PLEKHH2: variants seen among roughly 807,000 people sequenced by gnomAD.
PLEKHH2 encodes the protein pleckstrin homology domain-containing family H member 2.
A neutral mutation model predicts 187.9 loss-of-function variants in PLEKHH2; 129 were observed. That is an observed-to-expected ratio of 0.69 (90% CI 0.59 to 0.79). PLEKHH2 has a LOEUF of 0.79. Ranked by LOEUF, PLEKHH2 falls within the 30% of genes least tolerant of loss-of-function variation. PLEKHH2 has a pLI of 0.00. For missense variants in PLEKHH2, 2,076 were observed against 1,751.2 expected, an observed-to-expected ratio of 1.19 and a Z score of -3.31; for synonymous variants, 686 against 605.6, an observed-to-expected ratio of 1.13 and a Z score of -1.95.
At chr2:43,748,875 G>A (rs941099039) in intron 24 of PLEKHH2, among the ~76,000 whole-genome samples, 1 of 151,990 alleles carries the variant, frequency 6.6e-6, no homozygotes, top group African/African-American at 2.4e-5. Flanking sequence ...TCCTGCTTCA[G>A]CCTCCCAGAT....
In PLEKHH2 at chr2:43,765,681, G is replaced by A. The variant is rs1672596964; in HGVS notation, c.*83G>A. On this transcript the variant is annotated 3_prime_UTR_variant, in exon 30 of 30. Coordinates refer to ENST00000282406, the MANE Select transcript of PLEKHH2 (RefSeq NM_172069.4). ...CCTACAAGTTCGTTTACACCTGGCAGCACGGCAGCCACACACCGGTATTCC... is the reference window on the plus strand; with the variant it reads ...CCTACAAGTTCGTTTACACCTGGCAACACGGCAGCCACACACCGGTATTCC... The A allele has an allele frequency of 4.4e-6, 6 of 1,359,290 alleles. No homozygotes were observed. The highest frequency in any genetic ancestry group is 2.5e-4 in the Middle Eastern group (1 of 3,962). The allele number at this position is 1,359,290 out of a possible 1,614,324, so 84.2% of individuals were successfully genotyped here.
chr2:43,734,826 A>G (rs762307615), intron 19 of PLEKHH2, among the ~76,000 whole-genome samples: 1 of 152,180 alleles, frequency 6.6e-6, no homozygotes, highest in Non-Finnish European at 1.5e-5. Context: ...TGTTCACAAG[A>G]ACCGATATAT....
At chr2:43,676,424 C>T (rs1667794814) in intron 2 of PLEKHH2, 6 of 882,216 alleles carry the variant, frequency 6.8e-6, no homozygotes, top group Non-Finnish European at 1.0e-5. Flanking sequence ...CCGGTTGGGC[C>T]ACTCTAGCTG....
At chr2:43,696,924 A>G (rs139875120) in intron 6 of PLEKHH2, among the ~76,000 whole-genome samples, 2 of 152,258 alleles carry the variant, frequency 1.3e-5, no homozygotes, top group East Asian at 3.9e-4. Flanking sequence ...TCTTAAAGGG[A>G]TTAGATATTT....
chr2:43,653,031 A>G (rs747066133), intron 2 of PLEKHH2, among the ~76,000 whole-genome samples: 6 of 152,186 alleles, frequency 3.9e-5, no homozygotes, highest in African/African-American at 1.4e-4. Flanking sequence ...AACATTAAAG[A>G]GATGGAAAAT....
chr2:43,706,870 A>G (rs1669682644), intron 10 of PLEKHH2, among the ~76,000 whole-genome samples: 1 of 152,140 alleles, frequency 6.6e-6, no homozygotes, highest in Non-Finnish European at 1.5e-5. Context: ...CATGATTTTG[A>G]TAACAGCAAA....
chr2:43,675,356 G>A (rs1366635664), intron 2 of PLEKHH2: 2 of 1,534,010 alleles, frequency 1.3e-6, no homozygotes, highest in African/African-American at 1.4e-5. Context: ...GACAGCACAG[G>A]TCTATTATTC....
chr2:43,671,223 G>C (rs1251635004), intron 2 of PLEKHH2, among the ~76,000 whole-genome samples: 1 of 152,030 alleles, frequency 6.6e-6, no homozygotes. Context: ...CTGACCTCAG[G>C]TTATCCACCC....
intron 28 of PLEKHH2, among the ~76,000 whole-genome samples, chr2:43,763,725 C>T (rs546321883): frequency 8.4e-4 from 127 of 151,846 alleles, no homozygotes; most frequent in African/African-American, 2.8e-3. Flanking sequence ...TTTGGAAACA[C>T]ATTAGAAAAA....
chr2:43,678,914 G>T lies in PLEKHH2; in HGVS notation c.175G>T (p.Ala59Ser), dbSNP rs761772507. The T allele has an allele frequency of 1.4e-5, 22 of 1,608,274 alleles. No individual in the cohort carries two copies. In the South Asian group the frequency reaches 2.2e-4, roughly 16 times the overall value. The change falls in exon 3 of 30, where the codon GCT becomes TCT. Residue 59 changes from alanine (A) to serine (S), a missense_variant. Ala to Ser is a moderately conservative substitution (Grantham distance 99, BLOSUM62 1). Coordinates refer to ENST00000282406, the MANE Select transcript of PLEKHH2 (RefSeq NM_172069.4). ...VIDAERQAEKAFQQVQVMEDK... is the reference protein window; with the variant it reads ...VIDAERQAEKSFQQVQVMEDK... ...TGATGCTGAACGTCAAGCAGAAAAA[G>T]CTTTTCAACAGGTAGAGTATAATTT...
At chr2:43,734,789 TC>T (rs1671210234) in intron 19 of PLEKHH2, among the ~76,000 whole-genome samples, 1 of 152,328 alleles carries the variant, frequency 6.6e-6, no homozygotes, top group East Asian at 1.9e-4. Flanking sequence ...TGAAGAGATA[TC>T]GGGATTCCTA....
At chr2:43,685,022 T>G (rs1423597514) in intron 3 of PLEKHH2, among the ~76,000 whole-genome samples, 2 of 152,234 alleles carry the variant, frequency 1.3e-5, no homozygotes, top group African/African-American at 4.8e-5. Context: ...TGAATTCTCA[T>G]GCACTGATGA....
At chr2:43,640,019 A>G (rs979473134) in intron 1 of PLEKHH2, among the ~76,000 whole-genome samples, 5 of 152,232 alleles carry the variant, frequency 3.3e-5, no homozygotes, top group Admixed American at 2.6e-4. Flanking sequence ...CTCTTTGGCT[A>G]TCATGAATAA....
chr2:43,717,483 G>A (rs1670270073), intron 15 of PLEKHH2, among the ~76,000 whole-genome samples: 1 of 152,098 alleles, frequency 6.6e-6, no homozygotes, highest in South Asian at 2.1e-4. Context: ...GAGAGGGGGA[G>A]GGAAGTGGGA....
At chr2:43,729,091 G>C (rs189607219) in intron 17 of PLEKHH2, among the ~76,000 whole-genome samples, 1 of 152,052 alleles carries the variant, frequency 6.6e-6, no homozygotes, top group African/African-American at 2.4e-5. Flanking sequence ...AGAATTTCTA[G>C]CAACAAGGGA....
intron 2 of PLEKHH2, chr2:43,676,133 G>A: frequency 6.2e-7 from 1 of 1,614,012 alleles, no homozygotes; most frequent in African/African-American, 1.3e-5. Flanking sequence ...CTTTTACTGA[G>A]CTCCAAGAGT....
intron 8 of PLEKHH2, among the ~76,000 whole-genome samples, chr2:43,703,605 CA>C (rs1173121043): frequency 6.6e-6 from 1 of 152,218 alleles, no homozygotes; most frequent in South Asian, 2.1e-4. Context: ...ATGTTATAGC[CA>C]CTCATGGTTT....
intron 24 of PLEKHH2, among the ~76,000 whole-genome samples, chr2:43,747,502 T>C (rs1478873679): frequency 1.3e-5 from 2 of 152,194 alleles, no homozygotes; most frequent in Non-Finnish European, 2.9e-5. Context: ...TGTCAAGAAT[T>C]GAGAAAATGC....
In PLEKHH2 at chr2:43,700,425, T is replaced by C. The variant is rs377622864; in HGVS notation, c.1467T>C (p.Leu489=). The C allele has an allele frequency of 1.2e-6, 2 of 1,614,072 alleles. No individual in the cohort carries two copies. Among genetic ancestry groups the C allele is most frequent in the Non-Finnish European group, 1.7e-6 (2 of 1,179,952 alleles). ...IRPLRPQETD[L]DLVDGDSTEV... Reference sequence around the variant, plus strand: ...CACTGAGACCTCAGGAAACTGATCTTGATCTAGTTGATGGAGACAGTACAG... The same window carrying C: ...CACTGAGACCTCAGGAAACTGATCTCGATCTAGTTGATGGAGACAGTACAG... The change falls in exon 8 of 30, where the codon CTT becomes CTC. Residue 489 remains leucine, a synonymous_variant. Coordinates refer to ENST00000282406, the MANE Select transcript of PLEKHH2 (RefSeq NM_172069.4).
Sources: gnomAD v4.1 joint callset for allele counts (sites outside exome capture counted in the v4.1 genomes callset) on GRCh38, gnomAD v4.1.1 for gene constraint, MANE v1.5 for transcripts, NCBI Gene and HGNC (gene_info 2026-07-23, HGNC 2026-07-21) for gene names.